The following PCDHA7 variants were observed in gnomAD, a reference collection of about 807,000 sequenced individuals.
The protein encoded by PCDHA7 is protocadherin alpha 7.
A neutral mutation model predicts 57.2 loss-of-function variants in PCDHA7; 37 were observed. The ratio of observed to expected loss-of-function variants is 0.65; its 90% CI spans 0.50 to 0.85. PCDHA7 has a LOEUF of 0.85. Among genes scored for constraint, PCDHA7 ranks in the 40% least tolerant of loss-of-function variants. PCDHA7 has a pLI of 0.00. For missense variants in PCDHA7, 1,188 were observed against 1,241.8 expected (o/e 0.96, Z 0.65); for synonymous variants, 553 against 558.8 (o/e 0.99, Z 0.15).
At position 141,009,757 on chromosome 5, in the gene PCDHA7, A is replaced by G; in HGVS notation, c.2634A>G (p.Pro878=). 6.2e-7 allele frequency: 1 copy of G among 1,614,200 alleles called. No individual in the cohort carries two copies. Among genetic ancestry groups the G allele is most frequent in the Non-Finnish European group, 8.5e-7 (1 of 1,180,036 alleles). Residue 878 remains proline (P), a synonymous_variant, in exon 4 of 4, where the codon CCA becomes CCG. Coordinates refer to ENST00000525929, the MANE Select transcript of PCDHA7 (RefSeq NM_018910.3). ...AGTTGCCCGACAAATTCATTATCCCAGGATCTCCTGCAATCATCTCCATCC... is the reference window on the plus strand; with the variant it reads ...AGTTGCCCGACAAATTCATTATCCCGGGATCTCCTGCAATCATCTCCATCC... ...PGELPDKFII[P]GSPAIISIRQ... is the part of the protein sequence containing the mutation.
intron 1 of PCDHA7, chr5:140,841,821 T>G: frequency 6.2e-7 from 1 of 1,613,940 alleles, no homozygotes; most frequent in Non-Finnish European, 8.5e-7. Context: ...GCTAACTCCG[T>G]GTTAACCTAC....
At chr5:140,967,690 C>T (rs782694266) in intron 1 of PCDHA7, 1 of 1,614,190 alleles carries the variant, frequency 6.2e-7, no homozygotes, top group Admixed American at 1.7e-5. Flanking sequence ...GGCAGCTCTT[C>T]AGCATAGATG....
intron 1 of PCDHA7, chr5:140,851,710 G>C: frequency 1.0e-6 from 1 of 958,600 alleles, no homozygotes; most frequent in Non-Finnish European, 1.3e-6. Context: ...GCCATGTGAA[G>C]ATTCGAAACT....
intron 1 of PCDHA7, chr5:140,969,445 A>G (rs2096331821): frequency 1.9e-6 from 3 of 1,542,150 alleles, no homozygotes; most frequent in Non-Finnish European, 2.6e-6. Context: ...TATCTGGTAA[A>G]CTGAGTATAT....
At chr5:140,871,376 G>C in intron 1 of PCDHA7, 1 of 1,614,196 alleles carries the variant, frequency 6.2e-7, no homozygotes, top group Non-Finnish European at 8.5e-7. Flanking sequence ...CAGAGGGTGT[G>C]CTCTGAGGAG....
At chr5:140,898,956 T>C (rs1352076218) in intron 1 of PCDHA7, among the ~76,000 whole-genome samples, 4 of 152,130 alleles carry the variant, frequency 2.6e-5, no homozygotes, top group Admixed American at 2.6e-4. Context: ...GAAGCAGTTG[T>C]GAATGGGAGT....
intron 1 of PCDHA7, among the ~76,000 whole-genome samples, chr5:140,909,217 C>T (rs2074379679): frequency 6.6e-6 from 1 of 152,106 alleles, no homozygotes; most frequent in Non-Finnish European, 1.5e-5. Context: ...GTTGATATAC[C>T]CCTGAGGTAG....
chr5:140,843,314 GT>G lies in PCDHA7; in HGVS notation c.2355+6578del, dbSNP rs2150357252. 6.3e-6 allele frequency: 10 copies of G among 1,596,084 alleles called. 1 individual carries two copies. The highest frequency in any genetic ancestry group is 8.6e-6 in the Non-Finnish European group (10 of 1,165,598). ...ACCTGCGCTGACCGCCACGGCCACGGTTCTGGTGTCGCTGGTGGAGAGCGGC... is the reference window on the plus strand; with the variant it reads ...ACCTGCGCTGACCGCCACGGCCACGGTCTGGTGTCGCTGGTGGAGAGCGGC... On this transcript the variant is annotated intron_variant, in intron 1 of 3. Transcript: ENST00000525929.
chr5:140,846,537 G>A (rs1780542061), intron 1 of PCDHA7, among the ~76,000 whole-genome samples: 1 of 148,262 alleles, frequency 6.7e-6, no homozygotes, highest in Admixed American at 6.8e-5. Context: ...ACCATGCCCT[G>A]CTAATTTTTT....
chr5:140,843,949 T>C, intron 1 of PCDHA7: 1 of 564,496 alleles, frequency 1.8e-6, no homozygotes, highest in Non-Finnish European at 3.1e-6. Context: ...ATGATATCCA[T>C]TTTTTACTGA....
At chr5:140,858,274 G>C (rs376781836) in intron 1 of PCDHA7, 1 of 1,597,298 alleles carries the variant, frequency 6.3e-7, no homozygotes, top group African/African-American at 1.3e-5. Flanking sequence ...GCTCTAGCGC[G>C]GTGGGGAGCT....
Position 141,000,369 on chromosome 5 carries a change from C to CTG in PCDHA7, c.2504-9257_2504-9256insGT, listed in dbSNP as rs1469177188. On this transcript the variant is annotated intron_variant, in intron 3 of 3. Coordinates refer to ENST00000525929, the MANE Select transcript of PCDHA7 (RefSeq NM_018910.3). ...TCTCTCTGTCTCTCTCTGTCTCTCT[C>CTG]TCTCTCTCTCTCTCTCTCTCTCTCT... Among the ~76,000 whole-genome samples, 12 of 35,276 alleles carry CTG rather than the reference C, an allele frequency of 3.4e-4. No individual in the cohort carries two copies. In the East Asian group the frequency reaches 5.7e-3, roughly 17 times the overall value. The allele number at this position is 35,276 out of a possible 152,430, so 23.1% of individuals were successfully genotyped here.
intron 1 of PCDHA7, among the ~76,000 whole-genome samples, chr5:140,941,214 C>CCTTTCTTTCTTCCTTTCTTTCTTTCTTT (rs2092876516): frequency 4.1e-5 from 5 of 122,412 alleles, no homozygotes; most frequent in Non-Finnish European, 8.5e-5. Flanking sequence ...TTTCTTTCTT[C>CCTTTCTTTCTTCCTTTCTTTCTTTCTTT]CTTTCTTTCT....
chr5:140,863,123 GCCACCGCCTGCTGGTGCTGGTGAAGGA>G, intron 1 of PCDHA7: 1 of 593,078 alleles, frequency 1.7e-6, no homozygotes, highest in Non-Finnish European at 3.3e-6. Context: ...AAAGCTACGC[GCCACCGCCTGCTGGTGCTGGTGAAGGA>G]CCACTGCGAG....
Position 140,894,245 on chromosome 5 carries a change from C to T in PCDHA7, c.2355+57507C>T, listed in dbSNP as rs1273703512. ...AGATGTTGAATGACAATGTAATTTT[C>T]TTTTCTTTACAAGTGGTAGCTTATT... On this transcript the variant is annotated intron_variant, in intron 1 of 3. Coordinates refer to ENST00000525929, the MANE Select transcript of PCDHA7 (RefSeq NM_018910.3). 4.0e-5 allele frequency among the ~76,000 whole-genome samples: 6 copies of T among 151,858 alleles called. No homozygotes were observed. In the East Asian group the frequency reaches 1.2e-3, roughly 29 times the overall value.
intron 1 of PCDHA7, among the ~76,000 whole-genome samples, chr5:140,954,401 A>G (rs567522525): frequency 2.0e-4 from 31 of 152,300 alleles, no homozygotes; most frequent in Middle Eastern, 3.4e-3. Flanking sequence ...AACCCCACCA[A>G]CAGGGTAAAG....
chr5:140,851,865 A>G, intron 1 of PCDHA7: 3 of 976,808 alleles, frequency 3.1e-6, no homozygotes, highest in Non-Finnish European at 3.7e-6. Context: ...CTCATACATA[A>G]CACAAGGCAG....
Position 140,848,545 on chromosome 5 carries a change from C to A in PCDHA7, c.2355+11807C>A. On this transcript the variant is annotated intron_variant, in intron 1 of 3. Coordinates refer to ENST00000525929, the MANE Select transcript of PCDHA7 (RefSeq NM_018910.3). ...CCAGAGGGTCAGCCTCTACTGCTCT[C>A]GCTTCTGATCCTCGCAATGTGGGTG... is the stretch of plus-strand genomic sequence containing the variant. 4 of 1,595,440 alleles carry A rather than the reference C, an allele frequency of 2.5e-6. 1 individual carries two copies. Among genetic ancestry groups the A allele is most frequent in the Non-Finnish European group, 3.4e-6 (4 of 1,165,436 alleles).
At chr5:140,861,605 T>C in intron 1 of PCDHA7, 2 of 362,576 alleles carry the variant, frequency 5.5e-6, no homozygotes, top group Non-Finnish European at 1.1e-5. Context: ...TGAAGAACAA[T>C]AAAGACAACC....
Sources: allele counts gnomAD v4.1 joint callset (sites outside exome capture counted in the v4.1 genomes callset), GRCh38; gene constraint gnomAD v4.1.1; transcripts MANE v1.5; gene names NCBI Gene and HGNC (gene_info 2026-07-23, HGNC 2026-07-21).